NALF1: variants seen among roughly 807,000 people sequenced by gnomAD.
NALF1 encodes NALCN channel auxiliary factor 1.
A neutral mutation model predicts 48.4 loss-of-function variants in NALF1; 3 were observed. That is an observed-to-expected ratio of 0.06 (90% CI 0.03 to 0.16). The LOEUF is 0.16. Among genes scored for constraint, NALF1 ranks in the 10% least tolerant of loss-of-function variants. The pLI is 1.00. For synonymous variants in NALF1, 262 were observed against 245.7 expected (o/e 1.07, Z -0.62); for missense variants, 526 against 571.5 (o/e 0.92, Z 0.81).
intron 1 of NALF1, among the ~76,000 whole-genome samples, chr13:107,754,659 G>A: frequency 6.6e-6 from 1 of 152,248 alleles, no homozygotes; most frequent in East Asian, 1.9e-4. Context: ...CAAGGAAGTA[G>A]AGAGCATTTC....
At chr13:107,492,790 T>A (rs1408023) in intron 1 of NALF1, among the ~76,000 whole-genome samples, 54,289 of 151,922 alleles carry the variant, frequency 0.36, 10,872 homozygotes, top group African/African-American at 0.54. Context: ...ATATTTCTGT[T>A]TTTCTTTAGA....
intron 1 of NALF1, among the ~76,000 whole-genome samples, chr13:107,251,586 C>T (rs1880701904): frequency 6.6e-6 from 1 of 152,156 alleles, no homozygotes; most frequent in East Asian, 1.9e-4. Context: ...AGGTTATAAA[C>T]TTTGATGTAG....
At position 107,485,161 on chromosome 13, in the gene NALF1, A is replaced by G. The variant is rs535937050; in HGVS notation, c.916-274406T>C. On this transcript the variant is annotated intron_variant, in intron 1 of 2. Coordinates refer to ENST00000375915, the MANE Select transcript of NALF1 (RefSeq NM_001080396.3). Reference sequence around the variant, plus strand: ...TGCATTTGTAACTCCCATCTTCCCAATGATGAAGGCTCCAGAGCTGCTGTG... The same window carrying G: ...TGCATTTGTAACTCCCATCTTCCCAGTGATGAAGGCTCCAGAGCTGCTGTG... 9.2e-5 allele frequency among the ~76,000 whole-genome samples: 14 copies of G among 152,292 alleles called. 1 individual carries two copies. The South Asian group carries it at 2.9e-3, about 32-fold the overall frequency.
chr13:107,673,742 T>C (rs1156284019), intron 1 of NALF1, among the ~76,000 whole-genome samples: 1 of 152,152 alleles, frequency 6.6e-6, no homozygotes, highest in Non-Finnish European at 1.5e-5. Context: ...TGCTCTGATG[T>C]GATCACTATA....
At chr13:107,815,463 C>A (rs1417741737) in intron 1 of NALF1, among the ~76,000 whole-genome samples, 5 of 151,984 alleles carry the variant, frequency 3.3e-5, no homozygotes, top group Admixed American at 3.3e-4. Context: ...AAATAAGATA[C>A]CACTTCACAC....
At chr13:107,736,217 ACACACACGCG>A (rs59898355) in intron 1 of NALF1, among the ~76,000 whole-genome samples, 30,860 of 60,668 alleles carry the variant, frequency 0.51, 3,376 homozygotes, top group East Asian at 0.61. Context: ...ACACACACAC[ACACACACGCG>A]CGCGTGTACC....
chr13:107,185,203 A>G (rs2138778821), intron 2 of NALF1, among the ~76,000 whole-genome samples: 1 of 152,280 alleles, frequency 6.6e-6, no homozygotes, highest in Non-Finnish European at 1.5e-5. Flanking sequence ...TCCTGCTGAC[A>G]TCTTGACCTC....
intron 1 of NALF1, among the ~76,000 whole-genome samples, chr13:107,519,074 T>C (rs1450166516): frequency 6.6e-6 from 1 of 152,160 alleles, no homozygotes; most frequent in East Asian, 1.9e-4. Context: ...ATTTAGTGTC[T>C]GCCTTCAGGA....
chr13:107,594,137 A>G (rs1351502842), intron 1 of NALF1, among the ~76,000 whole-genome samples: 1 of 151,978 alleles, frequency 6.6e-6, no homozygotes, highest in Non-Finnish European at 1.5e-5. Context: ...CCACTCTTCA[A>G]TTCATGGAAA....
intron 1 of NALF1, among the ~76,000 whole-genome samples, chr13:107,230,932 T>C (rs1391338471): frequency 6.6e-6 from 1 of 151,604 alleles, no homozygotes; most frequent in Admixed American, 6.6e-5. Context: ...TTGGGGTGTA[T>C]GCCTATAATC....
At chr13:107,784,313 A>G (rs1878009861) in intron 1 of NALF1, among the ~76,000 whole-genome samples, 1 of 152,214 alleles carries the variant, frequency 6.6e-6, no homozygotes, top group South Asian at 2.1e-4. Flanking sequence ...TAACTACTGA[A>G]ACAAGCAATT....
In NALF1 at chr13:107,299,739, G is replaced by A. The variant is rs557985357; in HGVS notation, c.916-88984C>T. Among the ~76,000 whole-genome samples, 5 of 150,794 alleles carry A rather than the reference G, an allele frequency of 3.3e-5. No individual in the cohort carries two copies. In the East Asian group the frequency reaches 5.8e-4, roughly 18 times the overall value. ...TTATTCGATTATGTATTTGAATAAC[G>A]TTGTTGTCTTGGATTTTTGTTGTTG... On this transcript the variant is annotated intron_variant, in intron 1 of 2. Coordinates refer to ENST00000375915, the MANE Select transcript of NALF1 (RefSeq NM_001080396.3).
In NALF1 at chr13:107,651,282, T is replaced by C. The variant is rs575750577; in HGVS notation, c.915+214400A>G. On this transcript the variant is annotated intron_variant, in intron 1 of 2. Coordinates refer to ENST00000375915, the MANE Select transcript of NALF1 (RefSeq NM_001080396.3). ...TGTATTCTTTACTTGCACGGAGCAA[T>C]AGTCAGGAAGCAATGACCATAGGTC... Among the ~76,000 whole-genome samples the C allele has an allele frequency of 3.3e-5, 5 of 152,268 alleles. No homozygotes were observed. In the South Asian group the frequency reaches 1.0e-3, roughly 32 times the overall value.
At chr13:107,242,545 T>A (rs765320678) in intron 1 of NALF1, among the ~76,000 whole-genome samples, 1 of 152,260 alleles carries the variant, frequency 6.6e-6, no homozygotes. Flanking sequence ...AATATTTGAA[T>A]AAGTTATGAA....
intron 1 of NALF1, among the ~76,000 whole-genome samples, chr13:107,382,108 C>T (rs182260074): frequency 7.8e-4 from 119 of 152,322 alleles, no homozygotes; most frequent in African/African-American, 2.5e-3. Context: ...GAAAGTACCC[C>T]CTCATTTCAT....
chr13:107,864,494 T>A (rs1233074764), intron 1 of NALF1, among the ~76,000 whole-genome samples: 1 of 152,176 alleles, frequency 6.6e-6, no homozygotes, highest in East Asian at 1.9e-4. Flanking sequence ...AGAACGCAAG[T>A]GAGACAGAGG....
chr13:107,425,339 G>T (rs1440680121), intron 1 of NALF1, among the ~76,000 whole-genome samples: 1 of 152,068 alleles, frequency 6.6e-6, no homozygotes, highest in Non-Finnish European at 1.5e-5. Context: ...TACTATAAAC[G>T]TGTTTTCCCA....
At chr13:107,855,067 G>C (rs989641988) in intron 1 of NALF1, among the ~76,000 whole-genome samples, 2 of 152,106 alleles carry the variant, frequency 1.3e-5, no homozygotes, top group Non-Finnish European at 2.9e-5. Context: ...GGTGTAGCAG[G>C]GAGTGGTCAC....
At chr13:107,827,955 T>C (rs1193605602) in intron 1 of NALF1, among the ~76,000 whole-genome samples, 1 of 152,220 alleles carries the variant, frequency 6.6e-6, no homozygotes, top group African/African-American at 2.4e-5. Flanking sequence ...TGTATTTTTA[T>C]TTGTACAAAA....
Sources: gnomAD v4.1 joint callset for allele counts (sites outside exome capture counted in the v4.1 genomes callset) on GRCh38, gnomAD v4.1.1 for gene constraint, MANE v1.5 for transcripts, NCBI Gene and HGNC (gene_info 2026-07-23, HGNC 2026-07-21) for gene names.